Variants in MAP4K4 observed in about 807,000 individuals in gnomAD.
MAP4K4 encodes the protein mitogen-activated protein kinase kinase kinase kinase 4.
A neutral mutation model predicts 189.6 loss-of-function variants in MAP4K4; 38 were observed. The observed-to-expected ratio is 0.20, with a 90% CI of 0.15 to 0.26. The LOEUF (loss-of-function observed/expected upper bound fraction) is 0.26. MAP4K4 is among the 10% of genes least tolerant of loss of function. The probability of loss-of-function intolerance (pLI) is 1.00; values close to 1 mark genes in which losing one functional copy is unlikely to be tolerated. For synonymous variants in MAP4K4, 610 were observed against 624.3 expected (o/e 0.98, Z 0.34); for missense variants, 1,054 against 1,726.9 (o/e 0.61, Z 6.91).
intron 32 of MAP4K4, among the ~76,000 whole-genome samples, chr2:101,889,150 A>T (rs945637564): frequency 6.6e-6 from 1 of 152,124 alleles, no homozygotes; most frequent in Non-Finnish European, 1.5e-5. Context: ...AAATTAACAT[A>T]TTTGGGTTTT....
At chr2:101,792,759 T>C (rs2093140982) in intron 3 of MAP4K4, among the ~76,000 whole-genome samples, 1 of 151,940 alleles carries the variant, frequency 6.6e-6, no homozygotes, top group Non-Finnish European at 1.5e-5. Flanking sequence ...CCTCAGCGTC[T>C]GTAGTAGCTG....
chr2:101,762,660 A>T (rs887022032), intron 2 of MAP4K4, among the ~76,000 whole-genome samples: 1 of 152,138 alleles, frequency 6.6e-6, no homozygotes, highest in African/African-American at 2.4e-5. Flanking sequence ...CAGTAAATGG[A>T]ATTTCCTCAT....
At chr2:101,699,442 A>AG (rs769254597) in intron 2 of MAP4K4, among the ~76,000 whole-genome samples, 7 of 152,202 alleles carry the variant, frequency 4.6e-5, no homozygotes, top group Non-Finnish European at 8.8e-5. Flanking sequence ...ACGGAATGTT[A>AG]AATTTTTCCT....
At chr2:101,827,873 T>C (rs1009094813) in intron 5 of MAP4K4, among the ~76,000 whole-genome samples, 1 of 152,238 alleles carries the variant, frequency 6.6e-6, no homozygotes, top group African/African-American at 2.4e-5. Flanking sequence ...AAATGTTTCC[T>C]AGTTCAGAAA....
At chr2:101,837,248 T>C (rs928055155) in intron 9 of MAP4K4, among the ~76,000 whole-genome samples, 1 of 151,032 alleles carries the variant, frequency 6.6e-6, no homozygotes, top group East Asian at 1.9e-4. Flanking sequence ...CTGTTTATGC[T>C]TTTTTTTCTT....
chr2:101,836,075 A>G, intron 9 of MAP4K4, 97 bp downstream of exon 9: 2 of 859,820 alleles, frequency 2.3e-6, no homozygotes, highest in Non-Finnish European at 3.7e-6. Context: ...TGGCCCTTCT[A>G]ATTCTGGGGA....
At chr2:101,719,303 A>G (rs1281616251) in intron 2 of MAP4K4, among the ~76,000 whole-genome samples, 1 of 152,136 alleles carries the variant, frequency 6.6e-6, no homozygotes, top group Non-Finnish European at 1.5e-5. Context: ...TGATTCTCAA[A>G]TTCCATTTCA....
At position 101,722,337 on chromosome 2, in the gene MAP4K4, A is replaced by G. The variant is rs141209206; in HGVS notation, c.123+23799A>G. On this transcript the variant is annotated intron_variant, in intron 2 of 32. Coordinates refer to ENST00000324219, the Ensembl canonical transcript of MAP4K4. Reference sequence around the variant, plus strand: ...ATTATCTGTCTACTGGAATTGGCCAATTTTGGCCCTGCAACTCTGATGAAG... The same window carrying G: ...ATTATCTGTCTACTGGAATTGGCCAGTTTTGGCCCTGCAACTCTGATGAAG... Among the ~76,000 whole-genome samples the G allele has an allele frequency of 5.0e-3, 762 of 152,312 alleles. 5 individuals carry two copies. Among genetic ancestry groups the G allele is most frequent in the African/African-American group, 0.016 (648 of 41,570 alleles).
chr2:101,711,310 CT>C (rs148652852), intron 2 of MAP4K4, among the ~76,000 whole-genome samples: 16 of 147,834 alleles, frequency 1.1e-4, no homozygotes, highest in Non-Finnish European at 7.5e-5. Flanking sequence ...AGTTTTTTTG[CT>C]TTTTTTTTTA....
Position 101,765,758 on chromosome 2 carries a change from T to G in MAP4K4, c.124-24962T>G, listed in dbSNP as rs376833672. Among the ~76,000 whole-genome samples, 198 of 152,334 alleles carry G rather than the reference T, an allele frequency of 1.3e-3. 1 individual carries two copies. The highest frequency in any genetic ancestry group is 4.5e-3 in the African/African-American group (185 of 41,560). Reference sequence around the variant, plus strand: ...AATCTAGGTATTAAGTAATCAGATATTCATTATATTTGGGAACATTCCTTT... The same window carrying G: ...AATCTAGGTATTAAGTAATCAGATAGTCATTATATTTGGGAACATTCCTTT... On this transcript the variant is annotated intron_variant, in intron 2 of 32. Transcript: ENST00000324219.
intron 32 of MAP4K4, among the ~76,000 whole-genome samples, chr2:101,889,876 A>G (rs1467131169): frequency 6.6e-6 from 1 of 152,110 alleles, no homozygotes; most frequent in African/African-American, 2.4e-5. Flanking sequence ...CCAAACACAA[A>G]GTCACTTCAC....
intron 10 of MAP4K4, among the ~76,000 whole-genome samples, chr2:101,842,176 C>T (rs1489522410): frequency 1.3e-5 from 2 of 152,150 alleles, no homozygotes; most frequent in African/African-American, 4.8e-5. Flanking sequence ...CTCCGTGGAT[C>T]CCTAATTGCA....
intron 3 of MAP4K4, among the ~76,000 whole-genome samples, chr2:101,816,316 G>A (rs919742446): frequency 3.3e-5 from 5 of 152,158 alleles, no homozygotes; most frequent in African/African-American, 1.2e-4. Flanking sequence ...GACACATTTT[G>A]TCAAATATGT....
chr2:101,843,857 A>G (rs1244806433), intron 11 of MAP4K4, among the ~76,000 whole-genome samples: 1 of 152,216 alleles, frequency 6.6e-6, no homozygotes, highest in Admixed American at 6.5e-5. Context: ...AATCCTAAAT[A>G]GAAATGTCTT....
intron 29 of MAP4K4, 145 bp from the exon 30 acceptor site, chr2:101,886,943 C>T (rs1038829555): frequency 3.9e-5 from 21 of 542,896 alleles, no homozygotes; most frequent in Non-Finnish European, 6.3e-5. Context: ...GAGAATGGTG[C>T]GAACCTGGGA....
At chr2:101,805,109 G>A (rs2149047913) in intron 3 of MAP4K4, among the ~76,000 whole-genome samples, 1 of 145,812 alleles carries the variant, frequency 6.9e-6, no homozygotes, top group East Asian at 2.0e-4. Context: ...ATAATATTTT[G>A]ACCTTTTTAT....
intron 8 of MAP4K4, among the ~76,000 whole-genome samples, chr2:101,835,646 A>G (rs538860740): frequency 5.1e-4 from 77 of 152,326 alleles, no homozygotes; most frequent in African/African-American, 1.8e-3. Flanking sequence ...TAAGACTTAG[A>G]TTTATGAAAA....
intron 3 of MAP4K4, among the ~76,000 whole-genome samples, chr2:101,813,275 A>T (rs983491950): frequency 1.3e-5 from 2 of 152,168 alleles, no homozygotes; most frequent in African/African-American, 2.4e-5. Context: ...CAAGAGAAAA[A>T]TTATTTTCTG....
chr2:101,882,389 CT>C lies in MAP4K4; in HGVS notation c.3386-160del, dbSNP rs547985421. 4.5e-3 allele frequency among the ~76,000 whole-genome samples: 679 copies of C among 152,252 alleles called. 5 individuals are homozygous for C. The highest frequency in any genetic ancestry group is 0.015 in the African/African-American group (639 of 41,542). Reference sequence around the variant, plus strand: ...TTTACATATTCTGGATTATGACTCCCTTGTCAGCTGTTTCTGTGGTACACAT... The same window carrying C: ...TTTACATATTCTGGATTATGACTCCCTGTCAGCTGTTTCTGTGGTACACAT... On this transcript the variant is annotated intron_variant, in intron 27 of 32. Transcript: ENST00000324219.
Sources: gnomAD v4.1 joint callset for allele counts (sites outside exome capture counted in the v4.1 genomes callset) on GRCh38, gnomAD v4.1.1 for gene constraint, MANE v1.5 for transcripts, NCBI Gene and HGNC (gene_info 2026-07-23, HGNC 2026-07-21) for gene names.